Variants in ZBTB10 observed in about 807,000 individuals in gnomAD.
The protein encoded by ZBTB10 is zinc finger and BTB domain containing 10.
In ZBTB10, 32 loss-of-function variants were observed where a neutral mutation model predicts 76.4. That is an observed-to-expected ratio of 0.42 (90% CI 0.32 to 0.56). ZBTB10 has a LOEUF of 0.56. ZBTB10 is among the 20% of genes least tolerant of loss of function. The pLI is 0.14. For missense variants in ZBTB10, 1,057 were observed against 1,098.5 expected (o/e 0.96, Z 0.53); for synonymous variants, 523 against 432.9 (o/e 1.21, Z -2.58).
upstream of ZBTB10, chr8:80,485,900 G>C: frequency 6.5e-7 from 1 of 1,534,632 alleles, no homozygotes; most frequent in Non-Finnish European, 8.7e-7. Flanking sequence ...GTGGGCAGCG[G>C]GGAGGCGGCC....
intron 3 of ZBTB10, among the ~76,000 whole-genome samples, chr8:80,516,893 G>C (rs1010208206): frequency 6.6e-6 from 1 of 152,160 alleles, no homozygotes; most frequent in African/African-American, 2.4e-5. Flanking sequence ...TTTTAAAACC[G>C]TGATGCCCAT....
rs1468338632 is a variant in ZBTB10 at position 80,487,056 on chromosome 8, G to T, written c.246G>T (p.Gly82=). Residue 82 remains glycine (G), a synonymous_variant, in exon 1 of 6, where the codon GGG becomes GGT. Coordinates refer to ENST00000455036, the MANE Select transcript of ZBTB10 (RefSeq NM_001105539.3). ...LEPQDLEASA[G]PAAGAAEEAK... ...CCCAAGACCTGGAGGCCTCCGCCGG[G>T]CCGGCCGCCGGCGCCGCCGAGGAAG... is the stretch of plus-strand genomic sequence containing the variant. 5 of 1,515,916 alleles carry T rather than the reference G, an allele frequency of 3.3e-6. No individual in the cohort carries two copies. The South Asian group carries it at 4.9e-5, about 15-fold the overall frequency. The allele number at this position is 1,515,916 out of a possible 1,614,324, so 93.9% of individuals were successfully genotyped here.
chr8:80,491,394 T>C (rs1815627044), intron 1 of ZBTB10, among the ~76,000 whole-genome samples: 1 of 152,204 alleles, frequency 6.6e-6, no homozygotes, highest in Non-Finnish European at 1.5e-5. Flanking sequence ...ACAAAATCGA[T>C]GCATCTCTCA....
chr8:80,520,967 T>G lies in ZBTB10; in HGVS notation c.*1439T>G, dbSNP rs939258931. ...TTGAGGGATGTCATATTTTCAGCTT[T>G]CTTTTAAATAAAAATTGAGTATATT... On this transcript the variant is annotated 3_prime_UTR_variant, in exon 6 of 6. Coordinates refer to ENST00000455036, the MANE Select transcript of ZBTB10 (RefSeq NM_001105539.3). 5 of 152,002 alleles carry G rather than the reference T, an allele frequency of 3.3e-5. 1 individual carries two copies. The highest frequency in any genetic ancestry group is 1.2e-4 in the African/African-American group (5 of 41,450). The allele number at this position is 152,002 out of a possible 1,614,324, so 9.4% of individuals were successfully genotyped here. A position where few individuals can be genotyped will look rare whatever the true frequency, so the allele number is the denominator to read the frequency against.
rs183709847 is a variant in ZBTB10 at position 80,514,955 on chromosome 8, G to A, written c.1960+947G>A. On this transcript the variant is annotated intron_variant, in intron 3 of 5. Transcript: ENST00000455036. Reference sequence around the variant, plus strand: ...CCAAACTCTAAAATGTTAATGTTACGACAGACAAGTGGGGAAACCACTAGA... The same window carrying A: ...CCAAACTCTAAAATGTTAATGTTACAACAGACAAGTGGGGAAACCACTAGA... 3.3e-5 allele frequency among the ~76,000 whole-genome samples: 5 copies of A among 152,238 alleles called. No homozygotes were observed. The East Asian group carries it at 7.7e-4, about 23-fold the overall frequency.
chr8:80,509,532 C>T (rs1250632912), intron 2 of ZBTB10, among the ~76,000 whole-genome samples: 1 of 152,160 alleles, frequency 6.6e-6, no homozygotes, highest in Non-Finnish European at 1.5e-5. Context: ...GTACTACTCA[C>T]TTCGCACGTG....
rs909331635 is a variant in ZBTB10, at chr8:80,487,101, C to A, written c.291C>A (p.Pro97=). 8 of 1,519,260 alleles carry A rather than the reference C, an allele frequency of 5.3e-6. No homozygotes were observed. The highest frequency in any genetic ancestry group is 1.2e-5 in the South Asian group (1 of 81,896). The allele number at this position is 1,519,260 out of a possible 1,614,324, so 94.1% of individuals were successfully genotyped here. The change falls in exon 1 of 6, where the codon CCC becomes CCA. Residue 97 remains proline, a synonymous_variant. Transcript: ENST00000455036. The part of the protein sequence containing the change: ...AAEEAKELLL[P]QDAGGPTSLG... ...AGGAAGCCAAGGAGTTGCTGCTCCC[C>A]CAAGACGCGGGCGGCCCCACCTCGC...
intron 2 of ZBTB10, among the ~76,000 whole-genome samples, chr8:80,508,883 G>T (rs1816123263): frequency 6.6e-6 from 1 of 152,064 alleles, no homozygotes; most frequent in African/African-American, 2.4e-5. Flanking sequence ...TTTAACTAGA[G>T]ATTTGATCTG....
chr8:80,502,770 C>A (rs1261677632), intron 2 of ZBTB10, among the ~76,000 whole-genome samples: 7 of 151,624 alleles, frequency 4.6e-5, no homozygotes. Context: ...CTTTGTTGGT[C>A]ATAAAAGTCA....
chr8:80,487,876 C>G, intron 1 of ZBTB10, 94 bp downstream of exon 1: 1 of 1,382,000 alleles, frequency 7.2e-7, no homozygotes, highest in East Asian at 2.4e-5. Context: ...AAAAAAACCT[C>G]AAAACCATTT....
At chr8:80,515,680 C>T (rs1816309486) in intron 3 of ZBTB10, among the ~76,000 whole-genome samples, 1 of 152,006 alleles carries the variant, frequency 6.6e-6, no homozygotes, top group Non-Finnish European at 1.5e-5. Flanking sequence ...TAGGGTTATT[C>T]CTCTTAAAGG....
At chr8:80,491,681 C>T (rs567725283) in intron 1 of ZBTB10, among the ~76,000 whole-genome samples, 1 of 152,192 alleles carries the variant, frequency 6.6e-6, no homozygotes, top group African/African-American at 2.4e-5. Context: ...CAATTGACTA[C>T]ATCGTCAGAG....
chr8:80,502,306 G>T (rs961704281), intron 2 of ZBTB10, among the ~76,000 whole-genome samples: 8 of 152,260 alleles, frequency 5.3e-5, no homozygotes, highest in African/African-American at 1.9e-4. Flanking sequence ...CACAGTCTTG[G>T]TTCACTGCAA....
At chr8:80,498,186 T>G (rs1431466692) in intron 1 of ZBTB10, among the ~76,000 whole-genome samples, 1 of 152,194 alleles carries the variant, frequency 6.6e-6, no homozygotes, top group Non-Finnish European at 1.5e-5. Context: ...TTTAGGATAT[T>G]GTTTGTGAGA....
In ZBTB10 at chr8:80,523,575, G is replaced by C. The variant is rs1409118551; in HGVS notation, c.*4047G>C. 1.3e-5 allele frequency: 2 copies of C among 150,314 alleles called. No individual in the cohort carries two copies. The highest frequency in any genetic ancestry group is 3.0e-5 in the Non-Finnish European group (2 of 67,722). The allele number at this position is 150,314 out of a possible 1,614,324, so 9.3% of individuals were successfully genotyped here. The stretch of plus-strand genomic sequence containing the variant: ...CTATGGTACATAATATCCACACTTA[G>C]AACTAACAGGTGTTTAGTCACTTTA... On this transcript the variant is annotated 3_prime_UTR_variant, in exon 6 of 6. Coordinates refer to ENST00000455036, the MANE Select transcript of ZBTB10 (RefSeq NM_001105539.3).
chr8:80,515,896 C>G (rs751974993), intron 3 of ZBTB10, among the ~76,000 whole-genome samples: 37 of 152,072 alleles, frequency 2.4e-4, no homozygotes, highest in Non-Finnish European at 4.4e-4. Flanking sequence ...AATGACAGTA[C>G]CTTTATTTAG....
chr8:80,487,246 T>C lies in ZBTB10; in HGVS notation c.436T>C (p.Ser146Pro). The C allele has an allele frequency of 1.9e-6, 3 of 1,549,910 alleles. No individual in the cohort carries two copies. In the South Asian group the frequency reaches 3.6e-5, roughly 18 times the overall value. Residue 146 changes from serine (S) to proline (P), a missense_variant, in exon 1 of 6, where the codon TCG becomes CCG. By Grantham distance (74) the Ser-to-Pro change is moderately conservative (BLOSUM62 -1). This residue lies in a region of ZBTB10 where 556 missense variants were observed against 451.7 expected (regional missense o/e 1.23). Transcript: ENST00000455036. ...CAGTAGCCGCGGCCGCCCCGAGACC[T>C]CGGTGTGGCCCTTGAGGCATTTCAA... ...NGSSRGRPETSVWPLRHFNGR... is the reference protein window; with the variant it reads ...NGSSRGRPETPVWPLRHFNGR...
intron 3 of ZBTB10, among the ~76,000 whole-genome samples, chr8:80,514,402 C>T (rs1816276938): frequency 6.6e-6 from 1 of 152,116 alleles, no homozygotes; most frequent in Non-Finnish European, 1.5e-5. Context: ...TGTGTGATGT[C>T]AGCAGTGCAT....
At position 80,487,087 on chromosome 8, in the gene ZBTB10, G is replaced by T; in HGVS notation, c.277G>T (p.Glu93Ter). 6.6e-7 allele frequency: 1 copy of T among 1,519,914 alleles called. No homozygotes were observed. The highest frequency in any genetic ancestry group is 1.2e-5 in the South Asian group (1 of 82,216). 94.2% of individuals were successfully genotyped at this position (1,519,914 alleles called of 1,614,324 possible). Residue 93 changes from glutamate to a stop codon, truncating the protein, a stop_gained, in exon 1 of 6, where the codon GAG becomes TAG. Coordinates refer to ENST00000455036, the MANE Select transcript of ZBTB10 (RefSeq NM_001105539.3). LOFTEE classifies it high-confidence loss of function. Reference sequence around the variant, plus strand: ...CGCCGGCGCCGCCGAGGAAGCCAAGGAGTTGCTGCTCCCCCAAGACGCGGG... The same window carrying T: ...CGCCGGCGCCGCCGAGGAAGCCAAGTAGTTGCTGCTCCCCCAAGACGCGGG... The part of the protein sequence containing the change: ...PAAGAAEEAK[E>*]LLLPQDAGGP...
Sources: allele counts gnomAD v4.1 joint callset (sites outside exome capture counted in the v4.1 genomes callset), GRCh38; gene constraint gnomAD v4.1.1; regional missense constraint gnomAD v4.1.1; transcripts MANE v1.5; gene names NCBI Gene and HGNC (gene_info 2026-07-23, HGNC 2026-07-21).